The following SPAG16 variants were observed in gnomAD, a reference collection of about 807,000 sequenced individuals.
The protein encoded by SPAG16 is sperm-associated antigen 16 protein.
SPAG16 carries 86 observed loss-of-function variants against 80.4 expected under a neutral mutation model. The observed-to-expected ratio is 1.07, with a 90% CI of 0.90 to 1.28. The LOEUF is 1.28. Among genes scored for constraint, SPAG16 ranks in the 50% most tolerant of loss-of-function variants. The pLI, the probability that SPAG16 is intolerant of heterozygous loss-of-function variation, is 0.00. For missense variants in SPAG16, 870 were observed against 765.3 expected (o/e 1.14, Z -1.61); for synonymous variants, 294 against 265.9 (o/e 1.11, Z -1.03).
At chr2:213,776,418 A>C (rs1468826857) in intron 10 of SPAG16, among the ~76,000 whole-genome samples, 3 of 152,212 alleles carry the variant, frequency 2.0e-5, no homozygotes, top group African/African-American at 7.2e-5. Flanking sequence ...GCACTCAGAA[A>C]AACATGAAGC....
chr2:213,809,140 A>T (rs1040928419), intron 10 of SPAG16, among the ~76,000 whole-genome samples: 2 of 152,212 alleles, frequency 1.3e-5, no homozygotes, highest in African/African-American at 2.4e-5. Context: ...TAACAGAGCA[A>T]GCATGAGAAG....
At chr2:214,043,808 T>C (rs942374956) in intron 13 of SPAG16, among the ~76,000 whole-genome samples, 1 of 152,142 alleles carries the variant, frequency 6.6e-6, no homozygotes, top group Admixed American at 6.5e-5. Context: ...TAGAAAATAA[T>C]GTCAATAGTT....
intron 10 of SPAG16, chr2:213,758,076 A>G (rs2068441379): frequency 6.6e-6 from 1 of 151,188 alleles, no homozygotes; most frequent in Middle Eastern, 3.3e-3. Flanking sequence ...CTAAGTGTAA[A>G]CTTAAGGACT....
chr2:214,323,900 G>A (rs1696288879), intron 15 of SPAG16, among the ~76,000 whole-genome samples: 1 of 152,122 alleles, frequency 6.6e-6, no homozygotes, highest in African/African-American at 2.4e-5. Context: ...TGTAAAGAAA[G>A]CTGCATAAGA....
Position 213,875,108 on chromosome 2 carries a change from A to AT in SPAG16, c.1214+12494dup, listed in dbSNP as rs5838401. On this transcript the variant is annotated intron_variant, in intron 11 of 15. Coordinates refer to ENST00000331683, the MANE Select transcript of SPAG16 (RefSeq NM_024532.5). ...AGGCACATACTACCACATCAAACTA[A>AT]TTTTTTTTTTTTTTGAGACAGGGTC... Among the ~76,000 whole-genome samples, 715 of 145,518 alleles carry AT rather than the reference A, an allele frequency of 4.9e-3. 8 individuals carry two copies. Among genetic ancestry groups the AT allele is most frequent in the Middle Eastern group, 0.018 (5 of 282 alleles).
chr2:213,407,694 G>A (rs1004532695), intron 9 of SPAG16, among the ~76,000 whole-genome samples: 5 of 144,964 alleles, frequency 3.4e-5, no homozygotes, highest in Non-Finnish European at 7.6e-5. Flanking sequence ...AGAGACAGAA[G>A]AGAGAGAGAG....
At chr2:214,001,098 G>A (rs1416647054) in intron 12 of SPAG16, among the ~76,000 whole-genome samples, 1 of 152,230 alleles carries the variant, frequency 6.6e-6, no homozygotes, top group East Asian at 1.9e-4. Context: ...TGAACATATT[G>A]CATTAAATTA....
At chr2:214,376,284 T>C (rs1700126263) in intron 15 of SPAG16, among the ~76,000 whole-genome samples, 1 of 152,150 alleles carries the variant, frequency 6.6e-6, no homozygotes, top group African/African-American at 2.4e-5. Context: ...GACTGTGAAA[T>C]CTAAATCACC....
At chr2:214,149,300 G>A (rs751575626) in intron 15 of SPAG16, 34 bp downstream of exon 15, 2 of 1,473,048 alleles carry the variant, frequency 1.4e-6, no homozygotes, top group South Asian at 1.4e-5. Flanking sequence ...TTCTGACTAA[G>A]CCAATAACAT....
intron 15 of SPAG16, among the ~76,000 whole-genome samples, chr2:214,219,995 TA>T: frequency 6.6e-6 from 1 of 152,218 alleles, no homozygotes; most frequent in East Asian, 1.9e-4. Flanking sequence ...ACATTTTGAT[TA>T]TTTTTTTATT....
chr2:214,321,702 T>C (rs572420032), intron 15 of SPAG16, among the ~76,000 whole-genome samples: 19 of 152,344 alleles, frequency 1.2e-4, no homozygotes, highest in African/African-American at 4.3e-4. Flanking sequence ...TAATTTCCTT[T>C]GTTTACTAGA....
At position 214,008,422 on chromosome 2, in the gene SPAG16, A is replaced by G. The variant is rs373632062; in HGVS notation, c.1401-5529A>G. Among the ~76,000 whole-genome samples, 14 of 151,360 alleles carry G rather than the reference A, an allele frequency of 9.2e-5. No individual in the cohort carries two copies. In the East Asian group the frequency reaches 2.7e-3, roughly 29 times the overall value. On this transcript the variant is annotated intron_variant, in intron 12 of 15. Transcript: ENST00000331683. ...GGATTACATTTTTACCTTTCCACTT[A>G]TGTACATATGTAGCATTTAAAAAAA...
intron 5 of SPAG16, 137 bp from the exon 6 acceptor site, chr2:213,340,026 C>A (rs2064592452): frequency 1.6e-6 from 1 of 622,878 alleles, no homozygotes. Context: ...TGATGAGAAT[C>A]TTCGATGAGA....
At chr2:213,429,218 T>C (rs748455723) in intron 9 of SPAG16, among the ~76,000 whole-genome samples, 16 of 152,138 alleles carry the variant, frequency 1.1e-4, no homozygotes, top group Non-Finnish European at 2.1e-4. Context: ...TCAGGAATAA[T>C]TGCTTCTCCC....
chr2:213,859,740 C>T (rs1025322682), intron 10 of SPAG16, among the ~76,000 whole-genome samples: 10 of 152,118 alleles, frequency 6.6e-5, no homozygotes, highest in Admixed American at 5.9e-4. Flanking sequence ...GGTATCTCTA[C>T]TAACTCTGTT....
At chr2:213,446,493 A>C (rs894697167) in intron 9 of SPAG16, among the ~76,000 whole-genome samples, 1 of 152,244 alleles carries the variant, frequency 6.6e-6, no homozygotes, top group African/African-American at 2.4e-5. Context: ...AGAATCTCAG[A>C]GCTCTAATAC....
At chr2:213,309,624 G>A (rs935259370) in intron 3 of SPAG16, among the ~76,000 whole-genome samples, 2 of 151,760 alleles carry the variant, frequency 1.3e-5, no homozygotes, top group African/African-American at 4.8e-5. Context: ...GATACAAACC[G>A]GAACATAAGA....
At chr2:213,446,070 A>C (rs1257079288) in intron 9 of SPAG16, among the ~76,000 whole-genome samples, 1 of 152,210 alleles carries the variant, frequency 6.6e-6, no homozygotes, top group Admixed American at 6.5e-5. Flanking sequence ...AAAGAGCATC[A>C]AAGAATATAA....
intron 13 of SPAG16, among the ~76,000 whole-genome samples, chr2:214,055,732 T>TA (rs906717375): frequency 3.3e-5 from 5 of 152,140 alleles, no homozygotes; most frequent in African/African-American, 7.2e-5. Flanking sequence ...TGCCTTCATT[T>TA]AAAAAAAATC....
Sources: allele counts gnomAD v4.1 joint callset (sites outside exome capture counted in the v4.1 genomes callset), GRCh38; gene constraint gnomAD v4.1.1; transcripts MANE v1.5; gene names NCBI Gene and HGNC (gene_info 2026-07-23, HGNC 2026-07-21).